The following RAPGEF4 variants were observed in gnomAD, a reference collection of about 807,000 sequenced individuals.
The protein encoded by RAPGEF4 is RAP guanine-nucleotide-exchange factor (GEF) 4.
A neutral mutation model predicts 147.9 loss-of-function variants in RAPGEF4; 66 were observed. That is an observed-to-expected ratio of 0.45 (90% CI 0.37 to 0.55). RAPGEF4 has a LOEUF of 0.55. Among genes scored for constraint, RAPGEF4 ranks in the 20% least tolerant of loss-of-function variants. The pLI, the probability that RAPGEF4 is intolerant of heterozygous loss-of-function variation, is 0.00. For synonymous variants in RAPGEF4, 419 were observed against 442.7 expected, an observed-to-expected ratio of 0.95 and a Z score of 0.67; for missense variants, 1,071 against 1,257.3, an observed-to-expected ratio of 0.85 and a Z score of 2.24.
At chr2:172,952,908 G>A (rs112358585) in intron 6 of RAPGEF4, among the ~76,000 whole-genome samples, 2,346 of 152,256 alleles carry the variant, frequency 0.015, 62 homozygotes, top group African/African-American at 0.054. Flanking sequence ...CTAAAAACAT[G>A]CCATCTTGCA....
intron 4 of RAPGEF4, among the ~76,000 whole-genome samples, chr2:172,899,027 G>A (rs1468801332): frequency 6.6e-6 from 1 of 152,142 alleles, no homozygotes; most frequent in African/African-American, 2.4e-5. Context: ...ATTGATGTGG[G>A]CAAAATGCAG....
rs397690954 is a variant in RAPGEF4 at position 172,761,116 on chromosome 2, T to TA, written c.65+25070dup. On this transcript the variant is annotated intron_variant, in intron 1 of 30. Coordinates refer to ENST00000397081, the MANE Select transcript of RAPGEF4 (RefSeq NM_007023.4). ...ACATTTTTCTTTCTTTTTTTTTTTT[T>TA]AATTTTTTTTTCTTTTTTTTTTGTT... Among the ~76,000 whole-genome samples the TA allele has an allele frequency of 2.4e-3, 361 of 148,978 alleles. 1 individual carries two copies. The highest frequency in any genetic ancestry group is 5.7e-3 in the East Asian group (29 of 5,074).
At chr2:173,039,334 G>A (rs183748481) in intron 29 of RAPGEF4, among the ~76,000 whole-genome samples, 1,670 of 151,870 alleles carry the variant, frequency 0.011, 32 homozygotes, top group African/African-American at 0.038. Flanking sequence ...GTGTGGTGGC[G>A]GGCACCTGTA....
intron 1 of RAPGEF4, among the ~76,000 whole-genome samples, chr2:172,777,847 C>T (rs1316111638): frequency 6.6e-6 from 1 of 152,078 alleles, no homozygotes; most frequent in South Asian, 2.1e-4. Context: ...ATTTATTGTC[C>T]AGTGTCTGAA....
chr2:172,982,825 G>A (rs1420598698), intron 10 of RAPGEF4, among the ~76,000 whole-genome samples: 1 of 152,070 alleles, frequency 6.6e-6, no homozygotes, highest in Non-Finnish European at 1.5e-5. Flanking sequence ...ATATCTGGTG[G>A]GCAGTGGTGG....
intron 23 of RAPGEF4, among the ~76,000 whole-genome samples, chr2:173,022,323 C>T (rs989751101): frequency 5.3e-5 from 8 of 152,206 alleles, no homozygotes; most frequent in African/African-American, 2.4e-5. Flanking sequence ...TTAGTCCTTG[C>T]TCGTCCTCTG....
chr2:173,017,522 A>C lies in RAPGEF4; in HGVS notation c.2008+18A>C. On this transcript the variant is annotated intron_variant, in intron 21 of 30. Coordinates refer to ENST00000397081, the MANE Select transcript of RAPGEF4 (RefSeq NM_007023.4). ...TGATGAAGGTGAGAACCCTCTTCCAACTAACTCGTAGTTGTATAGATTATT... is the reference window on the plus strand; with the variant it reads ...TGATGAAGGTGAGAACCCTCTTCCACCTAACTCGTAGTTGTATAGATTATT... 6.3e-7 allele frequency: 1 copy of C among 1,597,054 alleles called. No individual in the cohort carries two copies. Among genetic ancestry groups the C allele is most frequent in the Non-Finnish European group, 8.6e-7 (1 of 1,164,700 alleles).
Position 172,831,892 on chromosome 2 carries a change from C to T in RAPGEF4, c.444+17467C>T, listed in dbSNP as rs377030730. Among the ~76,000 whole-genome samples, 93 of 152,210 alleles carry T rather than the reference C, an allele frequency of 6.1e-4. No homozygotes were observed. In the South Asian group the frequency reaches 0.019, roughly 31 times the overall value. On this transcript the variant is annotated intron_variant, in intron 4 of 30. Transcript: ENST00000397081. Reference sequence around the variant, plus strand: ...GTGTGCACTCATCAAGGCAAGCATCCCTTGTGGGGTAGATGACCTTGCATC... The same window carrying T: ...GTGTGCACTCATCAAGGCAAGCATCTCTTGTGGGGTAGATGACCTTGCATC...
chr2:172,987,503 T>C (rs1692388615), intron 12 of RAPGEF4, among the ~76,000 whole-genome samples: 1 of 152,142 alleles, frequency 6.6e-6, no homozygotes, highest in Admixed American at 6.6e-5. Context: ...CCACTGAAGA[T>C]CAAAAATATT....
intron 4 of RAPGEF4, chr2:172,821,590 T>G (rs1689063293): frequency 8.1e-6 from 8 of 992,972 alleles, no homozygotes; most frequent in Admixed American, 6.1e-5. Context: ...TCTGATTCTT[T>G]TAAACCAAGC....
intron 23 of RAPGEF4, among the ~76,000 whole-genome samples, chr2:173,024,635 T>G (rs12621641): frequency 0.039 from 5,895 of 152,248 alleles, 150 homozygotes; most frequent in South Asian, 0.078. Flanking sequence ...CAAGCCTAGG[T>G]ATAGGTATCA....
At position 173,027,238 on chromosome 2, in the gene RAPGEF4, A is replaced by C; in HGVS notation, c.2537A>C (p.Lys846Thr). 1 of 1,596,966 alleles carries C rather than the reference A, an allele frequency of 6.3e-7. No homozygotes were observed. The highest frequency in any genetic ancestry group is 8.5e-7 in the Non-Finnish European group (1 of 1,175,738). The part of the protein sequence containing the change: ...QLSKRVQLLK[K>T]FIKIAAHCKE... ...AGCAAGCGTGTTCAGCTATTAAAAA[A>C]ATTTATTAAGATAGCAGCCCAGTAA... is the stretch of plus-strand genomic sequence containing the variant. Residue 846 changes from lysine to threonine, a missense_variant, in exon 25 of 31, where the codon AAA becomes ACA. Lys to Thr is a moderately conservative substitution (Grantham distance 78). Coordinates refer to ENST00000397081, the MANE Select transcript of RAPGEF4 (RefSeq NM_007023.4).
chr2:172,856,084 T>G (rs1389229964), intron 4 of RAPGEF4, among the ~76,000 whole-genome samples: 1 of 152,164 alleles, frequency 6.6e-6, no homozygotes, highest in African/African-American at 2.4e-5. Flanking sequence ...TTCTTGTCCT[T>G]CTGGAATTCC....
intron 17 of RAPGEF4, among the ~76,000 whole-genome samples, chr2:173,002,902 G>C (rs7602060): frequency 6.6e-6 from 1 of 152,142 alleles, no homozygotes; most frequent in East Asian, 1.9e-4. Flanking sequence ...AATTTTTCTC[G>C]AGTAAAATGA....
intron 15 of RAPGEF4, among the ~76,000 whole-genome samples, chr2:172,995,672 T>C (rs956584857): frequency 6.6e-6 from 1 of 152,220 alleles, no homozygotes. Context: ...GAATGTATTT[T>C]GTCTACAGCT....
At chr2:172,757,175 C>CTTCAGTAAT (rs1191021904) in intron 1 of RAPGEF4, among the ~76,000 whole-genome samples, 1 of 152,244 alleles carries the variant, frequency 6.6e-6, no homozygotes, top group Non-Finnish European at 1.5e-5. Context: ...TTCAGTGAGT[C>CTTCAGTAAT]TTCAGTAATC....
At chr2:172,754,746 T>C (rs1192714191) in intron 1 of RAPGEF4, among the ~76,000 whole-genome samples, 2 of 152,040 alleles carry the variant, frequency 1.3e-5, no homozygotes, top group Non-Finnish European at 2.9e-5. Context: ...TTAAAGCTTT[T>C]TAAAAAAATC....
chr2:172,748,041 A>C (rs1402625673), intron 1 of RAPGEF4, among the ~76,000 whole-genome samples: 1 of 152,168 alleles, frequency 6.6e-6, no homozygotes, highest in Non-Finnish European at 1.5e-5. Flanking sequence ...TTCATTGTGT[A>C]TATATACACC....
Position 172,735,947 on chromosome 2 carries a change from T to TCGCCGCAGCCAGGGACAC in RAPGEF4, c.-33_-16dup, listed in dbSNP as rs1463894570. ...GCGCAGGCAGAGCGAGCGCGGGAGG[T>TCGCCGCAGCCAGGGACAC]CGCCGCAGCCAGGGACACCGCGCGC... On this transcript the variant is annotated 5_prime_UTR_variant, in exon 1 of 31. Coordinates refer to ENST00000397081, the MANE Select transcript of RAPGEF4 (RefSeq NM_007023.4). The TCGCCGCAGCCAGGGACAC allele has an allele frequency of 7.0e-7, 1 of 1,424,034 alleles. No homozygotes were observed. The highest frequency in any genetic ancestry group is 9.2e-7 in the Non-Finnish European group (1 of 1,084,590). 88.2% of individuals were successfully genotyped at this position (1,424,034 alleles called of 1,614,324 possible).
Sources: gnomAD v4.1 joint callset for allele counts (sites outside exome capture counted in the v4.1 genomes callset) on GRCh38, gnomAD v4.1.1 for gene constraint, MANE v1.5 for transcripts, NCBI Gene and HGNC (gene_info 2026-07-23, HGNC 2026-07-21) for gene names.